FOXP1: variants seen among roughly 807,000 people sequenced by gnomAD.
The protein encoded by FOXP1 is forkhead box protein P1.
Under a neutral mutation model 98.2 loss-of-function variants are expected in FOXP1, and 15 were observed. The ratio of observed to expected loss-of-function variants is 0.15; its 90% CI spans 0.10 to 0.24. The LOEUF (loss-of-function observed/expected upper bound fraction) is 0.24, where lower values mean the gene tolerates loss of function less well. Ranked by LOEUF, FOXP1 falls within the 10% of genes least tolerant of loss-of-function variation. The pLI, the probability that FOXP1 is intolerant of heterozygous loss-of-function variation, is 1.00. For synonymous variants in FOXP1, 371 were observed against 314.5 expected, an observed-to-expected ratio of 1.18 and a Z score of -1.90; for missense variants, 633 against 848.5, an observed-to-expected ratio of 0.75 and a Z score of 3.15.
chr3:71,094,381 AC>A (rs1489418616), intron 7 of FOXP1, among the ~76,000 whole-genome samples: 1 of 148,092 alleles, frequency 6.8e-6, no homozygotes, highest in African/African-American at 2.5e-5. Flanking sequence ...CCAGGTTCAC[AC>A]CATTCTCCTG....
intron 3 of FOXP1, among the ~76,000 whole-genome samples, chr3:71,409,436 G>A (rs1326425716): frequency 6.6e-6 from 1 of 152,174 alleles, no homozygotes; most frequent in African/African-American, 2.4e-5. Flanking sequence ...ACAGGAGAAT[G>A]AATGAATGAA....
intron 5 of FOXP1, among the ~76,000 whole-genome samples, chr3:71,216,395 G>T (rs1414641102): frequency 6.6e-6 from 1 of 150,848 alleles, no homozygotes; most frequent in East Asian, 2.0e-4. Flanking sequence ...GGAGAATTCT[G>T]ACCTCACTTT....
At chr3:71,141,282 A>AG (rs1237842104) in intron 6 of FOXP1, among the ~76,000 whole-genome samples, 2 of 151,002 alleles carry the variant, frequency 1.3e-5, no homozygotes, top group Non-Finnish European at 2.9e-5. Flanking sequence ...AAAAAAAAAA[A>AG]AAAAGAAACT....
chr3:71,081,446 G>A (rs2054405268), intron 7 of FOXP1, among the ~76,000 whole-genome samples: 1 of 152,148 alleles, frequency 6.6e-6, no homozygotes, highest in Non-Finnish European at 1.5e-5. Context: ...AGGGAAACAT[G>A]AAGAGCCAAA....
chr3:70,999,406 A>C (rs548250616), intron 13 of FOXP1, among the ~76,000 whole-genome samples: 2 of 152,188 alleles, frequency 1.3e-5, no homozygotes, highest in Non-Finnish European at 2.9e-5. Flanking sequence ...CAGTTTGTCA[A>C]GGGCTGTGTC....
At chr3:70,970,905 C>T (rs992752557) in intron 18 of FOXP1, 100 bp from the exon 19 acceptor site, 22 of 874,130 alleles carry the variant, frequency 2.5e-5, no homozygotes, top group Non-Finnish European at 4.1e-5. Flanking sequence ...TCCAAATGAG[C>T]AATTTCCCCC....
chr3:71,542,649 G>A (rs1005212672), intron 2 of FOXP1, among the ~76,000 whole-genome samples: 2 of 152,230 alleles, frequency 1.3e-5, no homozygotes, highest in Non-Finnish European at 2.9e-5. Flanking sequence ...TGCAGTTGAT[G>A]AAATGGAGAG....
chr3:71,515,791 G>A (rs934195801), intron 2 of FOXP1, among the ~76,000 whole-genome samples: 1 of 152,164 alleles, frequency 6.6e-6, no homozygotes, highest in Non-Finnish European at 1.5e-5. Context: ...GCTGCTACCA[G>A]GGTAGTGAGA....
intron 13 of FOXP1, among the ~76,000 whole-genome samples, chr3:70,995,220 C>T (rs899538114): frequency 2.0e-5 from 3 of 152,164 alleles, no homozygotes; most frequent in African/African-American, 7.2e-5. Context: ...CCTAGGCCCA[C>T]GGCCGGTGGA....
chr3:71,078,704 G>T (rs1335549569), intron 7 of FOXP1, among the ~76,000 whole-genome samples: 1 of 151,746 alleles, frequency 6.6e-6, no homozygotes, highest in Admixed American at 6.6e-5. Context: ...ACTAGATAAC[G>T]TTGCCCAAGG....
At chr3:71,132,240 G>A (rs990695455) in intron 6 of FOXP1, among the ~76,000 whole-genome samples, 6 of 152,144 alleles carry the variant, frequency 3.9e-5, no homozygotes, top group African/African-American at 1.4e-4. Context: ...AGTTCGAGAT[G>A]GGGCTAGAGA....
intron 6 of FOXP1, among the ~76,000 whole-genome samples, chr3:71,178,792 G>A (rs1576232168): frequency 6.6e-6 from 1 of 152,044 alleles, no homozygotes; most frequent in Non-Finnish European, 1.5e-5. Flanking sequence ...GCTGAAGCAG[G>A]AGAATGGCAG....
In FOXP1 at chr3:70,960,512, T is replaced by C. The variant is rs1354019756; in HGVS notation, c.1890-1121A>G. 2.0e-5 allele frequency among the ~76,000 whole-genome samples: 3 copies of C among 152,254 alleles called. No individual in the cohort carries two copies. In the East Asian group the frequency reaches 5.8e-4, roughly 29 times the overall value. ...ATATTTACAACTGATCCTTTGCATATACAAATGACTTTCTGTTGCAGGGGC... is the reference window on the plus strand; with the variant it reads ...ATATTTACAACTGATCCTTTGCATACACAAATGACTTTCTGTTGCAGGGGC... On this transcript the variant is annotated intron_variant, in intron 20 of 20. Coordinates refer to ENST00000649528, the MANE Select transcript of FOXP1 (RefSeq NM_001349338.3).
chr3:71,076,920 GT>G (rs751206973), intron 7 of FOXP1, among the ~76,000 whole-genome samples: 1 of 152,206 alleles, frequency 6.6e-6, no homozygotes, highest in East Asian at 1.9e-4. Context: ...AGCCAGAGAT[GT>G]TTGAGTCAGT....
At chr3:71,134,919 C>G (rs189646821) in intron 6 of FOXP1, among the ~76,000 whole-genome samples, 233 of 152,288 alleles carry the variant, frequency 1.5e-3, no homozygotes, top group African/African-American at 5.3e-3. Flanking sequence ...CTTTGAATCA[C>G]AGCCACCTCA....
chr3:71,020,327 T>G (rs1220065889), intron 11 of FOXP1, among the ~76,000 whole-genome samples: 3 of 152,180 alleles, frequency 2.0e-5, no homozygotes, highest in Non-Finnish European at 4.4e-5. Context: ...CAATGACAGT[T>G]AAGTAGGATA....
At chr3:71,409,512 C>G (rs1458845445) in intron 3 of FOXP1, among the ~76,000 whole-genome samples, 1 of 151,804 alleles carries the variant, frequency 6.6e-6, no homozygotes, top group African/African-American at 2.4e-5. Flanking sequence ...GCTAATCTGT[C>G]TATGGAGACA....
intron 3 of FOXP1, among the ~76,000 whole-genome samples, chr3:71,469,647 T>G (rs2089130710): frequency 6.6e-6 from 1 of 152,204 alleles, no homozygotes; most frequent in African/African-American, 2.4e-5. Flanking sequence ...TAGCTGGGCT[T>G]TGATGATCAT....
chr3:71,054,232 G>A (rs2050307130), intron 7 of FOXP1, among the ~76,000 whole-genome samples: 2 of 152,172 alleles, frequency 1.3e-5, no homozygotes. Context: ...ACCAATCAAT[G>A]CTTATACTTG....
Sources: gnomAD v4.1 joint callset for allele counts (sites outside exome capture counted in the v4.1 genomes callset) on GRCh38, gnomAD v4.1.1 for gene constraint, MANE v1.5 for transcripts, NCBI Gene and HGNC (gene_info 2026-07-23, HGNC 2026-07-21) for gene names.